Variants in B3GALT1 observed in about 807,000 individuals in gnomAD.
B3GALT1 encodes the protein beta-1,3-galactosyltransferase 1, also known as UDP-Gal:betaGlcNAc beta 1,3-galactosyltransferase, polypeptide 1.
Under a neutral mutation model 23.2 loss-of-function variants are expected in B3GALT1, and 10 were observed. The ratio of observed to expected loss-of-function variants is 0.43; its 90% CI spans 0.27 to 0.73. B3GALT1 has a LOEUF of 0.73. Among genes scored for constraint, B3GALT1 ranks in the 30% least tolerant of loss-of-function variants. The pLI, the probability that B3GALT1 is intolerant of heterozygous loss-of-function variation, is 0.21. For synonymous variants in B3GALT1, 156 were observed against 141.5 expected (o/e 1.10, Z -0.73); for missense variants, 299 against 405.4 (o/e 0.74, Z 2.25).
intron 1 of B3GALT1, among the ~76,000 whole-genome samples, chr2:167,412,121 C>A (rs571000702): frequency 5.7e-5 from 2 of 34,844 alleles, no homozygotes; most frequent in East Asian, 1.7e-3. Flanking sequence ...AATTAAATGG[C>A]ACGGTAGAAC....
chr2:167,757,812 T>C (rs1258805080), intron 3 of B3GALT1, among the ~76,000 whole-genome samples: 1 of 152,094 alleles, frequency 6.6e-6, no homozygotes, highest in Non-Finnish European at 1.5e-5. Flanking sequence ...AGCCAGCCCA[T>C]AATTCAGGGT....
At chr2:167,471,327 C>G (rs747904978) in intron 1 of B3GALT1, among the ~76,000 whole-genome samples, 11 of 152,122 alleles carry the variant, frequency 7.2e-5, no homozygotes, top group Non-Finnish European at 1.2e-4. Context: ...GCAAGCTATC[C>G]TTTCACAGGC....
intron 3 of B3GALT1, among the ~76,000 whole-genome samples, chr2:167,805,453 G>A (rs1688731634): frequency 6.6e-6 from 1 of 152,150 alleles, no homozygotes; most frequent in Non-Finnish European, 1.5e-5. Context: ...GGGTTTTTAT[G>A]GTTTTAGGTC....
intron 1 of B3GALT1, among the ~76,000 whole-genome samples, chr2:167,389,395 C>T (rs1697980853): frequency 6.6e-6 from 1 of 152,116 alleles, no homozygotes. Context: ...GGCTTGGTGC[C>T]ATTTTGTCAT....
At chr2:167,322,194 G>A (rs1002759290) in intron 1 of B3GALT1, among the ~76,000 whole-genome samples, 5 of 151,064 alleles carry the variant, frequency 3.3e-5, no homozygotes, top group African/African-American at 9.7e-5. Flanking sequence ...AAAATATTTC[G>A]AAAATACTGT....
At chr2:167,643,268 A>G (rs1352689836) in intron 2 of B3GALT1, among the ~76,000 whole-genome samples, 1 of 152,178 alleles carries the variant, frequency 6.6e-6, no homozygotes, top group African/African-American at 2.4e-5. Context: ...TGATTCAAGT[A>G]TTTTTGGGAT....
At chr2:167,700,791 T>A (rs1458445422) in intron 3 of B3GALT1, among the ~76,000 whole-genome samples, 1 of 151,968 alleles carries the variant, frequency 6.6e-6, no homozygotes, top group African/African-American at 2.4e-5. Flanking sequence ...ACAGGCTCAA[T>A]CAGATAGCAA....
intron 4 of B3GALT1, among the ~76,000 whole-genome samples, chr2:167,844,476 C>A (rs1179012878): frequency 6.6e-6 from 1 of 152,178 alleles, no homozygotes; most frequent in Non-Finnish European, 1.5e-5. Context: ...AACACACACC[C>A]CTACTGGAGA....
intron 2 of B3GALT1, among the ~76,000 whole-genome samples, chr2:167,596,311 T>C (rs1239288180): frequency 6.6e-6 from 1 of 152,176 alleles, no homozygotes; most frequent in East Asian, 1.9e-4. Context: ...TGACTTAACA[T>C]TGGACTCTAG....
intron 2 of B3GALT1, among the ~76,000 whole-genome samples, chr2:167,524,626 A>G (rs1004801818): frequency 1.3e-5 from 2 of 152,228 alleles, no homozygotes; most frequent in Admixed American, 6.5e-5. Flanking sequence ...TAAACCATGA[A>G]CAATCTACAA....
chr2:167,619,914 C>A (rs1222388366), intron 2 of B3GALT1, among the ~76,000 whole-genome samples: 2 of 152,142 alleles, frequency 1.3e-5, no homozygotes, highest in East Asian at 1.9e-4. Flanking sequence ...ATAGAACTTG[C>A]AGTTTAGTAA....
chr2:167,764,240 G>T (rs1250867167), intron 3 of B3GALT1, among the ~76,000 whole-genome samples: 2 of 152,108 alleles, frequency 1.3e-5, no homozygotes, highest in African/African-American at 4.8e-5. Flanking sequence ...ATGCACATTG[G>T]GTTACCAACA....
intron 2 of B3GALT1, among the ~76,000 whole-genome samples, chr2:167,603,776 C>A (rs1558921482): frequency 6.6e-6 from 1 of 152,142 alleles, no homozygotes; most frequent in Non-Finnish European, 1.5e-5. Context: ...TTGGGAGATT[C>A]TACTATTGTG....
At chr2:167,607,236 T>G (rs1684980357) in intron 2 of B3GALT1, among the ~76,000 whole-genome samples, 1 of 152,202 alleles carries the variant, frequency 6.6e-6, no homozygotes, top group Non-Finnish European at 1.5e-5. Flanking sequence ...CTAACTGCAT[T>G]GCAATGAGTC....
chr2:167,561,326 A>G (rs1683983595), intron 2 of B3GALT1, among the ~76,000 whole-genome samples: 1 of 152,234 alleles, frequency 6.6e-6, no homozygotes, highest in African/African-American at 2.4e-5. Flanking sequence ...GGAAATTTAT[A>G]GGACTAAATG....
chr2:167,386,612 A>T (rs1697932730), intron 1 of B3GALT1, among the ~76,000 whole-genome samples: 1 of 152,118 alleles, frequency 6.6e-6, no homozygotes, highest in African/African-American at 2.4e-5. Flanking sequence ...AATGTAAGTG[A>T]TAGTCTCAAA....
chr2:167,828,838 A>T (rs562110281), intron 4 of B3GALT1, among the ~76,000 whole-genome samples: 43 of 152,290 alleles, frequency 2.8e-4, no homozygotes, highest in Middle Eastern at 3.4e-3. Flanking sequence ...CATTTCCAGG[A>T]GTAATATGTG....
At chr2:167,804,227 T>A (rs939589499) in intron 3 of B3GALT1, among the ~76,000 whole-genome samples, 9 of 152,130 alleles carry the variant, frequency 5.9e-5, no homozygotes, top group African/African-American at 2.2e-4. Context: ...TGACTTCAAG[T>A]GATCTGCGAG....
At chr2:167,683,113 G>T (rs1220254632) in intron 3 of B3GALT1, among the ~76,000 whole-genome samples, 1 of 152,100 alleles carries the variant, frequency 6.6e-6, no homozygotes, top group African/African-American at 2.4e-5. Context: ...TAATTTTCAG[G>T]GTTGTTCATT....
Sources: allele counts gnomAD v4.1 joint callset (sites outside exome capture counted in the v4.1 genomes callset), GRCh38; gene constraint gnomAD v4.1.1; transcripts MANE v1.5; gene names NCBI Gene and HGNC (gene_info 2026-07-23, HGNC 2026-07-21).